CCDC12: variants seen among roughly 807,000 people sequenced by gnomAD.
CCDC12 encodes coiled-coil domain containing 12, also known as coiled-coil domain-containing protein 12.
Under a neutral mutation model 25.7 loss-of-function variants are expected in CCDC12, and 28 were observed. That is an observed-to-expected ratio of 1.09 (90% CI 0.81 to 1.50). The LOEUF is 1.50. CCDC12 is among the 40% of genes most tolerant of loss of function. CCDC12 has a pLI of 0.00. For synonymous variants in CCDC12, 75 were observed against 87.7 expected (o/e 0.86, Z 0.81); for missense variants, 198 against 210.0 (o/e 0.94, Z 0.35).
At chr3:46,943,062 G>A (rs539964491) in intron 1 of CCDC12, among the ~76,000 whole-genome samples, 19 of 152,284 alleles carry the variant, frequency 1.2e-4, no homozygotes, top group Admixed American at 5.9e-4. Flanking sequence ...TGGAGAAACC[G>A]AGGAGAGACT....
At chr3:46,944,968 AC>A (rs1363789982) in intron 1 of CCDC12, among the ~76,000 whole-genome samples, 1 of 152,096 alleles carries the variant, frequency 6.6e-6, no homozygotes, top group African/African-American at 2.4e-5. Flanking sequence ...TACTCTGATA[AC>A]CCCCAAGAAA....
chr3:46,944,845 A>G (rs2033843873), intron 1 of CCDC12, among the ~76,000 whole-genome samples: 1 of 152,084 alleles, frequency 6.6e-6, no homozygotes, highest in Non-Finnish European at 1.5e-5. Context: ...CTCCGCTCAA[A>G]GCTCTCACTG....
intron 1 of CCDC12, among the ~76,000 whole-genome samples, chr3:46,963,313 A>AT (rs951575443): frequency 5.9e-5 from 9 of 152,216 alleles, no homozygotes; most frequent in African/African-American, 1.4e-4. Context: ...AATTAAAAAG[A>AT]TTTTTTATGC....
At chr3:46,965,385 G>T (rs926299505) in intron 1 of CCDC12, among the ~76,000 whole-genome samples, 1 of 152,194 alleles carries the variant, frequency 6.6e-6, no homozygotes, top group Non-Finnish European at 1.5e-5. Flanking sequence ...ACCTTGTCTT[G>T]TGGCTGTCTA....
intron 1 of CCDC12, among the ~76,000 whole-genome samples, chr3:46,952,149 G>A (rs2034149929): frequency 6.6e-6 from 1 of 151,914 alleles, no homozygotes; most frequent in Non-Finnish European, 1.5e-5. Context: ...GCTCTCAGAG[G>A]CCTCTCCATC....
chr3:46,944,296 G>C, intron 1 of CCDC12, among the ~76,000 whole-genome samples: 1 of 152,126 alleles, frequency 6.6e-6, no homozygotes, highest in East Asian at 1.9e-4. Context: ...ACGAGAGAGA[G>C]GCTATCAAGA....
chr3:46,971,327 T>G (rs2034796496), intron 1 of CCDC12, among the ~76,000 whole-genome samples: 1 of 152,250 alleles, frequency 6.6e-6, no homozygotes, highest in Non-Finnish European at 1.5e-5. Context: ...CTTCAGGCAG[T>G]GCTGTGTCCT....
At chr3:46,956,094 C>A (rs1326509319) in intron 1 of CCDC12, among the ~76,000 whole-genome samples, 1 of 152,202 alleles carries the variant, frequency 6.6e-6, no homozygotes, top group Non-Finnish European at 1.5e-5. Context: ...AAATAAACAG[C>A]CCTAAGGCTT....
At chr3:46,937,276 C>T (rs2033484783) in intron 2 of CCDC12, among the ~76,000 whole-genome samples, 3 of 152,330 alleles carry the variant, frequency 2.0e-5, no homozygotes, top group South Asian at 4.1e-4. Flanking sequence ...ACCTTTGCCA[C>T]CCAAACCCTA....
At chr3:46,927,175 C>T (rs2032996608) in intron 2 of CCDC12, among the ~76,000 whole-genome samples, 1 of 152,130 alleles carries the variant, frequency 6.6e-6, no homozygotes, top group Non-Finnish European at 1.5e-5. Flanking sequence ...TGGAGGAAGC[C>T]CACCTGCACT....
At position 46,922,095 on chromosome 3, in the gene CCDC12, C is replaced by T. The variant is rs2032704463; in HGVS notation, c.463G>A (p.Asp155Asn). The part of the protein sequence containing the change: ...GQEDSLASAV[D>N]AATEQKTCDS... The stretch of plus-strand genomic sequence containing the variant: ...CAGGTCTTTTGTTCGGTGGCAGCAT[C>T]CACTGCAGAGGCTAGGCTGTCTTCC... The change falls in exon 7 of 7, where the codon GAT (aspartate) becomes AAT (asparagine). Residue 155 changes from aspartate to asparagine, a missense_variant. Transcript: ENST00000683445. The T allele has an allele frequency of 2.5e-6, 4 of 1,614,264 alleles. No individual in the cohort carries two copies. In the East Asian group the frequency reaches 6.7e-5, roughly 27 times the overall value.
At chr3:46,951,967 C>T (rs886614747) in intron 1 of CCDC12, among the ~76,000 whole-genome samples, 2 of 150,716 alleles carry the variant, frequency 1.3e-5, no homozygotes, top group African/African-American at 4.9e-5. Context: ...CCACAAAACT[C>T]GGTGGGTGGG....
chr3:46,951,790 A>T (rs1457441711), intron 1 of CCDC12, among the ~76,000 whole-genome samples: 3 of 21,796 alleles, frequency 1.4e-4, no homozygotes, highest in Non-Finnish European at 2.2e-4. Context: ...AAAAAAAAAA[A>T]AAAAAAAAAT....
At chr3:46,954,617 C>A (rs188719345) in intron 1 of CCDC12, among the ~76,000 whole-genome samples, 1 of 152,298 alleles carries the variant, frequency 6.6e-6, no homozygotes, top group East Asian at 1.9e-4. Context: ...ATAAGAGCTA[C>A]CATTTATTAA....
chr3:46,937,432 C>T (rs1027554356), intron 2 of CCDC12, among the ~76,000 whole-genome samples: 7 of 152,190 alleles, frequency 4.6e-5, no homozygotes, highest in Non-Finnish European at 1.0e-4. Flanking sequence ...TGGGGCTTCA[C>T]ACCTGGCACC....
upstream of CCDC12, among the ~76,000 whole-genome samples, chr3:46,980,225 C>G (rs1446058005): frequency 6.6e-6 from 1 of 152,206 alleles, no homozygotes; most frequent in African/African-American, 2.4e-5. Context: ...CGGCCGGACA[C>G]TTGGCCTTTT....
intron 2 of CCDC12, among the ~76,000 whole-genome samples, chr3:46,926,841 C>T (rs2032981915): frequency 6.6e-6 from 1 of 152,162 alleles, no homozygotes; most frequent in Non-Finnish European, 1.5e-5. Context: ...AGGCAGGAAA[C>T]AATTTCCCAA....
At chr3:46,926,769 C>T (rs2032978442) in intron 2 of CCDC12, among the ~76,000 whole-genome samples, 1 of 152,158 alleles carries the variant, frequency 6.6e-6, no homozygotes, top group East Asian at 1.9e-4. Flanking sequence ...AGGTCCTCCT[C>T]CTTCCCCAGT....
intron 1 of CCDC12, among the ~76,000 whole-genome samples, chr3:46,963,526 C>T (rs1435527890): frequency 6.6e-6 from 1 of 152,248 alleles, no homozygotes; most frequent in Non-Finnish European, 1.5e-5. Flanking sequence ...GACTGTACTG[C>T]TGCCATCTCG....
Sources: allele counts gnomAD v4.1 joint callset (sites outside exome capture counted in the v4.1 genomes callset), GRCh38; gene constraint gnomAD v4.1.1; transcripts MANE v1.5; gene names NCBI Gene and HGNC (gene_info 2026-07-23, HGNC 2026-07-21).